SCHIP1: variants seen among roughly 807,000 people sequenced by gnomAD.
The protein encoded by SCHIP1 is schwannomin-interacting protein 1.
A neutral mutation model predicts 29.7 loss-of-function variants in SCHIP1; 8 were observed. That is an observed-to-expected ratio of 0.27 (90% CI 0.16 to 0.49). The LOEUF (loss-of-function observed/expected upper bound fraction) is 0.49. SCHIP1 is among the 20% of genes least tolerant of loss of function. The probability of loss-of-function intolerance (pLI) is 0.99; values close to 1 mark genes in which losing one functional copy is unlikely to be tolerated. For missense variants in SCHIP1, 193 were observed against 294.6 expected (o/e 0.66, Z 2.52); for synonymous variants, 76 against 94.9 (o/e 0.80, Z 1.16).
chr3:159,328,135 A>G, the SCHIP1 span, among the ~76,000 whole-genome samples: 3 of 152,332 alleles, frequency 2.0e-5, no homozygotes, highest in South Asian at 2.1e-4. Context: ...ATTACCGAAA[A>G]TTAAATAAAA....
At chr3:159,727,804 A>G in the SCHIP1 span, among the ~76,000 whole-genome samples, 1 of 152,290 alleles carries the variant, frequency 6.6e-6, no homozygotes, top group East Asian at 1.9e-4. Context: ...TAGTCAACAA[A>G]TTAATAAGCC....
At chr3:159,617,717 C>CG in the SCHIP1 span, among the ~76,000 whole-genome samples, 1 of 152,174 alleles carries the variant, frequency 6.6e-6, no homozygotes, top group African/African-American at 2.4e-5. Flanking sequence ...TTACTACCCC[C>CG]CCTAGGAAGA....
chr3:159,733,469 G>C, the SCHIP1 span, among the ~76,000 whole-genome samples: 38 of 152,184 alleles, frequency 2.5e-4, no homozygotes, highest in African/African-American at 8.9e-4. Context: ...AGCCAAAAAA[G>C]GAGTCCACCC....
At chr3:159,493,389 A>G in the SCHIP1 span, among the ~76,000 whole-genome samples, 9 of 152,232 alleles carry the variant, frequency 5.9e-5, no homozygotes, top group Admixed American at 2.0e-4. Context: ...TAGGCTCAAA[A>G]TAAAGGGATG....
chr3:159,341,995 A>G, the SCHIP1 span, among the ~76,000 whole-genome samples: 41 of 152,324 alleles, frequency 2.7e-4, no homozygotes, highest in African/African-American at 9.9e-4. Context: ...GTAAGGGAAT[A>G]TATATAGTTC....
chr3:159,577,333 G>A, the SCHIP1 span, among the ~76,000 whole-genome samples: 1 of 152,214 alleles, frequency 6.6e-6, no homozygotes, highest in South Asian at 2.1e-4. Flanking sequence ...ATCTTGCACA[G>A]TTGCTGAAGT....
chr3:159,306,378 TCCAGTACAC>T, the SCHIP1 span: 3 of 152,354 alleles, frequency 2.0e-5, no homozygotes, highest in Admixed American at 2.0e-4. Context: ...CTGAGCTGGT[TCCAGTACAC>T]CATTGTATTA....
the SCHIP1 span, among the ~76,000 whole-genome samples, chr3:159,556,098 G>A: frequency 1.3e-5 from 2 of 152,128 alleles, no homozygotes; most frequent in African/African-American, 4.8e-5. Context: ...ACATCAAAAA[G>A]TGGGCAAAGG....
chr3:159,552,124 C>T, the SCHIP1 span, among the ~76,000 whole-genome samples: 535 of 150,774 alleles, frequency 3.5e-3, 4 homozygotes, highest in African/African-American at 0.013. Context: ...CTGCAGCCTC[C>T]GCCTCCCAAG....
the SCHIP1 span, among the ~76,000 whole-genome samples, chr3:159,547,978 A>G: frequency 1.9e-3 from 296 of 152,312 alleles, 1 homozygote; most frequent in African/African-American, 6.8e-3. Context: ...GAGGAATTAC[A>G]TCCATTTTTT....
the SCHIP1 span, among the ~76,000 whole-genome samples, chr3:159,285,992 A>T: frequency 6.6e-6 from 1 of 152,036 alleles, no homozygotes; most frequent in South Asian, 2.1e-4. Context: ...TTTTTGACAT[A>T]TGCATTGTTT....
At chr3:159,434,519 T>C in the SCHIP1 span, among the ~76,000 whole-genome samples, 1 of 152,142 alleles carries the variant, frequency 6.6e-6, no homozygotes, top group African/African-American at 2.4e-5. Context: ...GCAATTCCAC[T>C]GGGTTTCCCC....
the SCHIP1 span, among the ~76,000 whole-genome samples, chr3:159,740,933 A>G: frequency 6.6e-6 from 1 of 152,282 alleles, no homozygotes; most frequent in South Asian, 2.1e-4. Context: ...GTGGATTTAT[A>G]AGTTGGCTCA....
At chr3:159,761,954 G>A in the SCHIP1 span, among the ~76,000 whole-genome samples, 2 of 152,166 alleles carry the variant, frequency 1.3e-5, no homozygotes, top group Non-Finnish European at 2.9e-5. Flanking sequence ...CATCACCCCA[G>A]GTGATCAGTA....
the SCHIP1 span, among the ~76,000 whole-genome samples, chr3:159,622,775 C>T: frequency 5.9e-5 from 9 of 152,078 alleles, no homozygotes; most frequent in South Asian, 2.1e-4. Flanking sequence ...AAAAATTAGC[C>T]GGGCATGATG....
chr3:159,406,282 T>C, the SCHIP1 span, among the ~76,000 whole-genome samples: 1 of 152,078 alleles, frequency 6.6e-6, no homozygotes, highest in South Asian at 2.1e-4. Context: ...CAGACTTCAG[T>C]GGAAACCTTA....
chr3:159,757,833 G>C, the SCHIP1 span, among the ~76,000 whole-genome samples: 1 of 152,168 alleles, frequency 6.6e-6, no homozygotes, highest in Non-Finnish European at 1.5e-5. Flanking sequence ...GTGTGGCACT[G>C]ACAATGCTAT....
the SCHIP1 span, among the ~76,000 whole-genome samples, chr3:159,498,519 G>C: frequency 6.6e-6 from 1 of 152,182 alleles, no homozygotes; most frequent in Non-Finnish European, 1.5e-5. Flanking sequence ...ATTACCAACA[G>C]AGCTGAGTGG....
chr3:159,629,066 T>A, the SCHIP1 span, among the ~76,000 whole-genome samples: 11 of 152,144 alleles, frequency 7.2e-5, no homozygotes, highest in Non-Finnish European at 1.3e-4. Flanking sequence ...CAATTATACA[T>A]GCTGAAAATA....
Sources: gnomAD v4.1 joint callset for allele counts (sites outside exome capture counted in the v4.1 genomes callset) on GRCh38, gnomAD v4.1.1 for gene constraint, MANE v1.5 for transcripts, NCBI Gene and HGNC (gene_info 2026-07-23, HGNC 2026-07-21) for gene names.